The following PSTPIP1 variants were observed in gnomAD, a reference collection of about 807,000 sequenced individuals.
PSTPIP1 encodes the protein proline-serine-threonine phosphatase-interacting protein 1.
A neutral mutation model predicts 69.6 loss-of-function variants in PSTPIP1; 66 were observed. The ratio of observed to expected loss-of-function variants is 0.95; its 90% CI spans 0.78 to 1.16. The LOEUF is 1.16. Ranked by LOEUF, PSTPIP1 falls within the 50% of genes most tolerant of loss-of-function variation. The probability of loss-of-function intolerance (pLI) is 0.00; values close to 1 mark genes in which losing one functional copy is unlikely to be tolerated. For missense variants in PSTPIP1, 603 were observed against 557.4 expected (o/e 1.08, Z -0.82); for synonymous variants, 266 against 222.7 (o/e 1.19, Z -1.73).
rs761921103 is a variant in PSTPIP1 at position 77,031,256 on chromosome 15, T to G, written c.719T>G (p.Met240Arg). 4 of 1,612,920 alleles carry G rather than the reference T, an allele frequency of 2.5e-6. No individual in the cohort carries two copies. The South Asian group carries it at 4.4e-5, about 18-fold the overall frequency. ...ALWVHSNQLS[M>R]QCVKDDELYE... ...TGGGTGCACAGCAACCAGCTCTCCA[T>G]GCAGTGTGTCAAGGATGATGAGGTG... Residue 240 changes from methionine to arginine, a missense_variant, in exon 10 of 15, where the codon ATG (methionine) becomes AGG (arginine). Transcript: ENST00000558012.
intron 14 of PSTPIP1, 35 bp from the exon 15 acceptor site, chr15:77,037,010 C>T (rs370752949): frequency 2.5e-6 from 4 of 1,606,260 alleles, no homozygotes; most frequent in East Asian, 2.2e-5. Flanking sequence ...CCTGCAGGCC[C>T]TTCCAACGTC....
chr15:77,001,899 G>T (rs2075716797), intron 1 of PSTPIP1, among the ~76,000 whole-genome samples: 2 of 152,308 alleles, frequency 1.3e-5, no homozygotes, highest in Non-Finnish European at 1.5e-5. Context: ...AGGCTGAGCG[G>T]CTGTGAACGT....
At chr15:77,014,151 C>T (rs922755482) in intron 1 of PSTPIP1, among the ~76,000 whole-genome samples, 3 of 152,102 alleles carry the variant, frequency 2.0e-5, no homozygotes, top group African/African-American at 7.2e-5. Context: ...GGGTTATATC[C>T]CAGCTGCACC....
intron 1 of PSTPIP1, among the ~76,000 whole-genome samples, chr15:76,999,920 C>T (rs945261841): frequency 6.6e-6 from 1 of 152,226 alleles, no homozygotes; most frequent in African/African-American, 2.4e-5. Flanking sequence ...TTGAGATCCA[C>T]ATCCTATTCC....
Position 77,025,724 on chromosome 15 carries a change from G to C in PSTPIP1, c.354+120G>C, listed in dbSNP as rs115847788. 5.5e-4 allele frequency: 378 copies of C among 684,100 alleles called. 11 individuals are homozygous for C. The African/African-American group carries it at 6.3e-3, about 11-fold the overall frequency. The allele number at this position is 684,100 out of a possible 1,614,324, so 42.4% of individuals were successfully genotyped here. ...TGGAGGGCGGCAGGGGTGGTGGTGG[G>C]ACAGCACTCCAGGCTTTGGGGCTTG... On this transcript the variant is annotated intron_variant, in intron 5 of 14. Coordinates refer to ENST00000558012, the MANE Select transcript of PSTPIP1 (RefSeq NM_003978.5).
At chr15:77,019,268 C>A (rs1195795732) in intron 3 of PSTPIP1, among the ~76,000 whole-genome samples, 1 of 152,214 alleles carries the variant, frequency 6.6e-6, no homozygotes, top group Non-Finnish European at 1.5e-5. Context: ...CCCAGACTGT[C>A]CCCCTGGGTG....
At chr15:77,026,917 C>T (rs2076292374) in intron 5 of PSTPIP1, among the ~76,000 whole-genome samples, 1 of 152,248 alleles carries the variant, frequency 6.6e-6, no homozygotes. Flanking sequence ...ACAGAGCATT[C>T]TTTCTCCAAG....
intron 1 of PSTPIP1, among the ~76,000 whole-genome samples, chr15:77,014,713 G>T (rs77826713): frequency 0.017 from 2,631 of 152,316 alleles, 77 homozygotes; most frequent in African/African-American, 0.06. Flanking sequence ...GGTGTGGAGG[G>T]CCCTGGCCGG....
intron 7 of PSTPIP1, 150 bp downstream of exon 7, chr15:77,028,802 T>C (rs1596115271): frequency 6.7e-6 from 5 of 744,334 alleles, no homozygotes; most frequent in Non-Finnish European, 1.0e-5. Flanking sequence ...ATCTGTGAAA[T>C]GGGTTTCCTG....
chr15:77,033,593 G>A (rs2076474715), intron 12 of PSTPIP1, among the ~76,000 whole-genome samples: 1 of 152,130 alleles, frequency 6.6e-6, no homozygotes, highest in Admixed American at 6.5e-5. Context: ...CATCCACAAG[G>A]GTCTGTGGGT....
At chr15:77,014,916 G>A (rs901200803) in intron 1 of PSTPIP1, among the ~76,000 whole-genome samples, 9 of 152,226 alleles carry the variant, frequency 5.9e-5, no homozygotes, top group Non-Finnish European at 8.8e-5. Flanking sequence ...CACCATGGAC[G>A]GCGAGGGCTG....
chr15:77,015,983 C>T (rs951042574), intron 1 of PSTPIP1: 1 of 456,180 alleles, frequency 2.2e-6, no homozygotes, highest in African/African-American at 2.0e-5. Context: ...CTGACTCCTC[C>T]CGAATGGCCA....
intron 1 of PSTPIP1, among the ~76,000 whole-genome samples, chr15:76,998,327 G>A (rs190444505): frequency 5.2e-4 from 79 of 152,318 alleles, no homozygotes; most frequent in African/African-American, 1.7e-3. Flanking sequence ...AACACGGGGC[G>A]GAGGAGGGGA....
At chr15:76,997,320 C>A (rs1052532938) in intron 1 of PSTPIP1, among the ~76,000 whole-genome samples, 4 of 152,212 alleles carry the variant, frequency 2.6e-5, no homozygotes, top group Non-Finnish European at 5.9e-5. Context: ...GAGAAGTAGC[C>A]AGTGGGAACC....
chr15:77,021,855 G>C (rs917129333), intron 3 of PSTPIP1, among the ~76,000 whole-genome samples: 1 of 152,018 alleles, frequency 6.6e-6, no homozygotes, highest in African/African-American at 2.4e-5. Flanking sequence ...TGCCTGAAAT[G>C]TCACCTCCCT....
chr15:77,033,716 C>G (rs559096623), intron 12 of PSTPIP1, among the ~76,000 whole-genome samples: 92 of 152,234 alleles, frequency 6.0e-4, no homozygotes, highest in African/African-American at 2.0e-3. Flanking sequence ...TGATGCAGTT[C>G]CCGGCCCTTC....
At chr15:77,015,809 G>A (rs1409166401) in intron 1 of PSTPIP1, 3 of 409,132 alleles carry the variant, frequency 7.3e-6, no homozygotes, top group African/African-American at 4.1e-5. Flanking sequence ...GGAGAGTCAG[G>A]CACTTCCTCG....
chr15:77,008,119 T>C (rs990600171), intron 1 of PSTPIP1: 21 of 453,604 alleles, frequency 4.6e-5, no homozygotes, highest in Non-Finnish European at 8.0e-5. Context: ...TCTGGATCAG[T>C]GTCCCTGGAG....
chr15:77,023,298 G>C (rs879545463), intron 3 of PSTPIP1, among the ~76,000 whole-genome samples: 1 of 152,252 alleles, frequency 6.6e-6, no homozygotes, highest in Non-Finnish European at 1.5e-5. Context: ...GCTCAGAAAG[G>C]ACAAAAGAGG....
Sources: allele counts gnomAD v4.1 joint callset (sites outside exome capture counted in the v4.1 genomes callset), GRCh38; gene constraint gnomAD v4.1.1; transcripts MANE v1.5; gene names NCBI Gene and HGNC (gene_info 2026-07-23, HGNC 2026-07-21).